TFCP2: variants seen among roughly 807,000 people sequenced by gnomAD.
TFCP2 encodes the protein transcription factor CP2.
TFCP2 carries 33 observed loss-of-function variants against 73.4 expected under a neutral mutation model. The ratio of observed to expected loss-of-function variants is 0.45; its 90% CI spans 0.34 to 0.60. The LOEUF is 0.60. TFCP2 is among the 20% of genes least tolerant of loss of function. The pLI, the probability that TFCP2 is intolerant of heterozygous loss-of-function variation, is 0.01. For missense variants in TFCP2, 352 were observed against 604.0 expected (o/e 0.58, Z 4.37); for synonymous variants, 193 against 211.6 (o/e 0.91, Z 0.76).
Position 51,096,030 on chromosome 12 carries a change from T to C in TFCP2, c.1430A>G (p.Asn477Ser). 6.2e-7 allele frequency: 1 copy of C among 1,613,112 alleles called. No individual in the cohort carries two copies. The change falls in exon 14 of 15, where the codon AAC becomes AGC. Residue 477 changes from asparagine to serine, a missense_variant. Asn to Ser is a conservative substitution (Grantham distance 46). Around this residue, in one of 6 missense-constraint regions of TFCP2, gnomAD observed 194 missense variants for 256.3 expected, o/e 0.76. Transcript: ENST00000257915. Reference sequence around the variant, plus strand: ...AATAAAACATGCTTCTTCCTGAAAGTTCTGTATCATCTGAAAAATGCAAGA... The same window carrying C: ...AATAAAACATGCTTCTTCCTGAAAGCTCTGTATCATCTGAAAAATGCAAGA... ...HVLISDEMIQ[N>S]FQEEACFILD...
At chr12:51,137,408 G>A (rs996885738) in intron 1 of TFCP2, among the ~76,000 whole-genome samples, 4 of 152,018 alleles carry the variant, frequency 2.6e-5, no homozygotes, top group Admixed American at 2.6e-4. Flanking sequence ...AAGTATCTGT[G>A]TCAGATACAA....
rs993991212 is a variant in TFCP2 at position 51,094,945 on chromosome 12, C to T, written c.*296G>A. The stretch of plus-strand genomic sequence containing the variant: ...TCACACAATTCCCATCATCATTATG[C>T]CCTACATACACTCTAAATTATGTAG... On this transcript the variant is annotated 3_prime_UTR_variant, in exon 15 of 15. Coordinates refer to ENST00000257915, the MANE Select transcript of TFCP2 (RefSeq NM_005653.5). 45 of 400,254 alleles carry T rather than the reference C, an allele frequency of 1.1e-4. No individual in the cohort carries two copies. The highest frequency in any genetic ancestry group is 7.5e-4 in the African/African-American group (38 of 50,558). The allele number at this position is 400,254 out of a possible 1,614,324, so 24.8% of individuals were successfully genotyped here.
chr12:51,131,177 A>G (rs1238560047), intron 1 of TFCP2, among the ~76,000 whole-genome samples: 1 of 151,336 alleles, frequency 6.6e-6, no homozygotes, highest in Non-Finnish European at 1.5e-5. Flanking sequence ...AAAAAAAAAA[A>G]ACAAAAAATT....
At position 51,126,887 on chromosome 12, in the gene TFCP2, T is replaced by C. The variant is rs561791537; in HGVS notation, c.123-8115A>G. Among the ~76,000 whole-genome samples, 84 of 152,160 alleles carry C rather than the reference T, an allele frequency of 5.5e-4. 1 individual carries two copies. Among genetic ancestry groups the C allele is most frequent in the Non-Finnish European group, 9.0e-4 (61 of 67,994 alleles). On this transcript the variant is annotated intron_variant, in intron 1 of 14. Transcript: ENST00000257915. The stretch of plus-strand genomic sequence containing the variant: ...GCCATAACAACTGTAAGAAAATAGA[T>C]TGATTTTCTGGGATTTGTGGGAAGG...
intron 1 of TFCP2, among the ~76,000 whole-genome samples, chr12:51,143,932 A>G (rs1446542165): frequency 6.6e-6 from 1 of 152,250 alleles, no homozygotes; most frequent in Non-Finnish European, 1.5e-5. Flanking sequence ...AAAGATTGAA[A>G]GGCTGGATAC....
chr12:51,169,671 C>T (rs1467978141), intron 1 of TFCP2, among the ~76,000 whole-genome samples: 1 of 152,050 alleles, frequency 6.6e-6, no homozygotes, highest in African/African-American at 2.4e-5. Flanking sequence ...TCTACTGAGC[C>T]GAGATGGTGC....
At chr12:51,165,602 G>T (rs73305767) in intron 1 of TFCP2, among the ~76,000 whole-genome samples, 159 of 152,244 alleles carry the variant, frequency 1.0e-3, no homozygotes, top group African/African-American at 3.6e-3. Flanking sequence ...AGGCTGGAGT[G>T]GGGGGAGATG....
rs199724349 is a variant in TFCP2 at position 51,157,685 on chromosome 12, TC to T, written c.122+14615del. Among the ~76,000 whole-genome samples, 727 of 94,232 alleles carry T rather than the reference TC, an allele frequency of 7.7e-3. 16 individuals carry two copies. Among genetic ancestry groups the T allele is most frequent in the South Asian group, 0.018 (45 of 2,510 alleles). 61.8% of individuals were successfully genotyped at this position (94,232 alleles called of 152,430 possible). On this transcript the variant is annotated intron_variant, in intron 1 of 14. Coordinates refer to ENST00000257915, the MANE Select transcript of TFCP2 (RefSeq NM_005653.5). ...GTAATTTGAGTTTTTTCTTTTCTTTTCTTTTTTTTTTTTTTTTTTGAGACAG... is the reference window on the plus strand; with the variant it reads ...GTAATTTGAGTTTTTTCTTTTCTTTTTTTTTTTTTTTTTTTTTTGAGACAG...
intron 1 of TFCP2, among the ~76,000 whole-genome samples, chr12:51,146,277 C>T (rs375306904): frequency 6.6e-6 from 1 of 151,954 alleles, no homozygotes; most frequent in South Asian, 2.1e-4. Context: ...CACTACACTC[C>T]AGCCTGGGTG....
chr12:51,134,258 C>T (rs1941014220), intron 1 of TFCP2, among the ~76,000 whole-genome samples: 1 of 152,104 alleles, frequency 6.6e-6, no homozygotes, highest in Non-Finnish European at 1.5e-5. Context: ...TTTCACGAAA[C>T]AATACTTACT....
chr12:51,104,674 G>A (rs1214851606), intron 8 of TFCP2, among the ~76,000 whole-genome samples: 1 of 151,868 alleles, frequency 6.6e-6, no homozygotes, highest in East Asian at 1.9e-4. Context: ...GAAAATTTAT[G>A]CAATGCAATA....
chr12:51,132,825 TC>T (rs1254422520), intron 1 of TFCP2, among the ~76,000 whole-genome samples: 1 of 152,026 alleles, frequency 6.6e-6, no homozygotes, highest in African/African-American at 2.4e-5. Flanking sequence ...GAGAGCGAGC[TC>T]CAGCCAACCC....
At chr12:51,159,459 C>T (rs1262823016) in intron 1 of TFCP2, among the ~76,000 whole-genome samples, 1 of 151,882 alleles carries the variant, frequency 6.6e-6, no homozygotes, top group Non-Finnish European at 1.5e-5. Context: ...ATGCCTCAGC[C>T]GCCCAAGTAG....
At chr12:51,132,123 C>G (rs1274048426) in intron 1 of TFCP2, among the ~76,000 whole-genome samples, 1 of 152,062 alleles carries the variant, frequency 6.6e-6, no homozygotes, top group African/African-American at 2.4e-5. Flanking sequence ...TCTAAATAAT[C>G]CAAATGTAGT....
At chr12:51,113,641 G>A (rs77491991) in intron 4 of TFCP2, among the ~76,000 whole-genome samples, 7,114 of 152,174 alleles carry the variant, frequency 0.047, 550 homozygotes, top group African/African-American at 0.16. Context: ...CATGCTTCAC[G>A]ACTTCCAAAC....
chr12:51,153,759 A>G (rs1565722), intron 1 of TFCP2, among the ~76,000 whole-genome samples: 3,185 of 152,316 alleles, frequency 0.021, 101 homozygotes, highest in African/African-American at 0.072. Context: ...ATAATATTCC[A>G]TCATATGTAT....
intron 1 of TFCP2, among the ~76,000 whole-genome samples, chr12:51,155,531 T>A (rs978623295): frequency 6.6e-6 from 1 of 152,230 alleles, no homozygotes; most frequent in Non-Finnish European, 1.5e-5. Flanking sequence ...AATTTTTCCA[T>A]GTCCTTCCCA....
chr12:51,140,958 A>T (rs1454999882), intron 1 of TFCP2, among the ~76,000 whole-genome samples: 3 of 152,008 alleles, frequency 2.0e-5, no homozygotes, highest in African/African-American at 7.2e-5. Flanking sequence ...TGGGAGGCTG[A>T]GGCAGGTGAA....
Position 51,125,630 on chromosome 12 carries a change from T to G in TFCP2, c.123-6858A>C, listed in dbSNP as rs141448310. 6.8e-4 allele frequency among the ~76,000 whole-genome samples: 104 copies of G among 152,370 alleles called. No individual in the cohort carries two copies. The East Asian group carries it at 0.019, about 27-fold the overall frequency. On this transcript the variant is annotated intron_variant, in intron 1 of 14. Coordinates refer to ENST00000257915, the MANE Select transcript of TFCP2 (RefSeq NM_005653.5). ...GGAACAATTACTGTATTTTATGGAA[T>G]GATGTCTTGCTCAATTCCAGAATCA... is the stretch of plus-strand genomic sequence containing the variant.
Sources: allele counts gnomAD v4.1 joint callset (sites outside exome capture counted in the v4.1 genomes callset), GRCh38; gene constraint gnomAD v4.1.1; regional missense constraint gnomAD v4.1.1; transcripts MANE v1.5; gene names NCBI Gene and HGNC (gene_info 2026-07-23, HGNC 2026-07-21).